Variants in ANKDD1B observed in about 807,000 individuals in gnomAD.
The protein encoded by ANKDD1B is ankyrin repeat and death domain-containing protein 1B.
In ANKDD1B, 57 loss-of-function variants were observed where a neutral mutation model predicts 59.7. That is an observed-to-expected ratio of 0.95 (90% CI 0.77 to 1.19). The LOEUF (loss-of-function observed/expected upper bound fraction) is 1.19. Among genes scored for constraint, ANKDD1B ranks in the 50% most tolerant of loss-of-function variants. The pLI, the probability that ANKDD1B is intolerant of heterozygous loss-of-function variation, is 0.00. For synonymous variants in ANKDD1B, 216 were observed against 239.5 expected, an observed-to-expected ratio of 0.90 and a Z score of 0.91; for missense variants, 602 against 641.9, an observed-to-expected ratio of 0.94 and a Z score of 0.67.
At chr5:75,657,516 C>T (rs1775006543) in intron 9 of ANKDD1B, among the ~76,000 whole-genome samples, 1 of 151,984 alleles carries the variant, frequency 6.6e-6, no homozygotes, top group Admixed American at 6.6e-5. Context: ...TCATCTGTTC[C>T]ATGTTGGTAC....
rs186439989 is a variant in ANKDD1B at position 75,630,414 on chromosome 5, T to C, written c.600+4459T>C. On this transcript the variant is annotated intron_variant, in intron 5 of 13. Transcript: ENST00000601380. ...GTGTAATTTTGCTTTTACATCTTTT[T>C]CCTGGACGATAACTGTTTTAAAGGG... 2.0e-5 allele frequency among the ~76,000 whole-genome samples: 3 copies of C among 152,368 alleles called. No homozygotes were observed. The East Asian group carries it at 5.8e-4, about 29-fold the overall frequency.
chr5:75,659,248 G>A (rs778922245), intron 9 of ANKDD1B, 35 bp from the exon 10 acceptor site: 32 of 1,464,176 alleles, frequency 2.2e-5, no homozygotes, highest in Admixed American at 1.4e-4. Context: ...TCTTTTCACC[G>A]TCCAAGTTTG....
At chr5:75,648,384 C>G (rs1411816471) in intron 7 of ANKDD1B, among the ~76,000 whole-genome samples, 2 of 152,052 alleles carry the variant, frequency 1.3e-5, no homozygotes, top group African/African-American at 4.8e-5. Flanking sequence ...GTCGGTATCC[C>G]CCTTCAAGTT....
In ANKDD1B at chr5:75,634,948, G is replaced by A. The variant is rs1774259855; in HGVS notation, c.651G>A (p.Met217Ile). ...LLAAERGHVE[M>I]IEKLTFLNLH... The stretch of plus-strand genomic sequence containing the variant: ...CAGCTGAGAGGGGCCATGTTGAAAT[G>A]ATAGAAAAACTTACCTTCCTAAACC... The change falls in exon 6 of 14, where the codon ATG (methionine) becomes ATA (isoleucine). Residue 217 changes from methionine (M) to isoleucine (I), a missense_variant. Coordinates refer to ENST00000601380, the MANE Select transcript of ANKDD1B (RefSeq NM_001276713.2). 1 of 1,535,936 alleles carries A rather than the reference G, an allele frequency of 6.5e-7. No individual in the cohort carries two copies. The highest frequency in any genetic ancestry group is 8.7e-7 in the Non-Finnish European group (1 of 1,146,664).
chr5:75,630,168 AT>A (rs1181403261), intron 5 of ANKDD1B, among the ~76,000 whole-genome samples: 1 of 152,118 alleles, frequency 6.6e-6, no homozygotes, highest in Non-Finnish European at 1.5e-5. Context: ...ATAGAGGCCT[AT>A]TTGAATGTGA....
chr5:75,653,136 T>C lies in ANKDD1B; in HGVS notation c.799-6T>C, dbSNP rs1343638326. 5 of 1,531,944 alleles carry C rather than the reference T, an allele frequency of 3.3e-6. No homozygotes were observed. Among genetic ancestry groups the C allele is most frequent in the Non-Finnish European group, 4.4e-6 (5 of 1,143,260 alleles). 94.9% of individuals were successfully genotyped at this position (1,531,944 alleles called of 1,614,324 possible). ...TCCTCCTTGCCCTCTCTATTGTCTC[T>C]TGCAGCTCAATATCAGTAGTTTGCA... On this transcript the variant is annotated splice_region_variant and splice_polypyrimidine_tract_variant and intron_variant, in intron 7 of 13. Transcript: ENST00000601380.
chr5:75,635,170 G>C (rs142245613), intron 6 of ANKDD1B, 174 bp downstream of exon 6: 1 of 496,770 alleles, frequency 2.0e-6, no homozygotes, highest in East Asian at 3.1e-5. Flanking sequence ...TCCTTCCACT[G>C]TTGCTCTGGG....
intron 2 of ANKDD1B, 46 bp from the exon 3 acceptor site, chr5:75,620,269 C>G: frequency 4.0e-6 from 4 of 990,276 alleles, no homozygotes; most frequent in Non-Finnish European, 5.9e-6. Context: ...CCTAAAATCA[C>G]TGAATAATGA....
At chr5:75,656,856 G>C (rs899380999) in intron 9 of ANKDD1B, among the ~76,000 whole-genome samples, 2 of 152,216 alleles carry the variant, frequency 1.3e-5, no homozygotes, top group African/African-American at 4.8e-5. Context: ...CTAGGGAGGA[G>C]CCATGGTGCA....
chr5:75,630,444 C>T (rs1227721904), intron 5 of ANKDD1B, among the ~76,000 whole-genome samples: 1 of 152,126 alleles, frequency 6.6e-6, no homozygotes, highest in Non-Finnish European at 1.5e-5. Flanking sequence ...AAAGGGCTTC[C>T]AAAGTTCAAA....
At chr5:75,628,449 G>A (rs192539860) in intron 5 of ANKDD1B, among the ~76,000 whole-genome samples, 192 of 152,302 alleles carry the variant, frequency 1.3e-3, no homozygotes, top group Admixed American at 3.1e-3. Flanking sequence ...CAGAAGCTCA[G>A]GGTCTATTGA....
At position 75,641,012 on chromosome 5, in the gene ANKDD1B, C is replaced by T. The variant is rs138175546; in HGVS notation, c.798+5130C>T. The stretch of plus-strand genomic sequence containing the variant: ...TTGTTTTTTCATAGCAACTAGTGCA[C>T]GCTTGGCTTATACAGAGAAGACGCT... On this transcript the variant is annotated intron_variant, in intron 7 of 13. Transcript: ENST00000601380. 3.1e-3 allele frequency among the ~76,000 whole-genome samples: 475 copies of T among 152,148 alleles called. 4 individuals carry two copies. Among genetic ancestry groups the T allele is most frequent in the African/African-American group, 0.01 (431 of 41,502 alleles).
intron 8 of ANKDD1B, among the ~76,000 whole-genome samples, 176 bp from the exon 9 acceptor site, chr5:75,655,853 G>C (rs1774961287): frequency 6.6e-6 from 1 of 152,198 alleles, no homozygotes; most frequent in Non-Finnish European, 1.5e-5. Flanking sequence ...GAACGAGTTT[G>C]TTTCAAAGCC....
intron 7 of ANKDD1B, among the ~76,000 whole-genome samples, chr5:75,637,270 A>AAAG (rs1774342742): frequency 3.5e-5 from 5 of 141,882 alleles, no homozygotes; most frequent in African/African-American, 1.4e-4. Context: ...AAAAAAAAAA[A>AAAG]AAAGAAAGAA....
At chr5:75,655,035 C>T (rs1016223821) in intron 8 of ANKDD1B, among the ~76,000 whole-genome samples, 4 of 152,176 alleles carry the variant, frequency 2.6e-5, no homozygotes, top group Non-Finnish European at 5.9e-5. Context: ...GTTGTTTCTT[C>T]CCTCCCTTTT....
chr5:75,659,072 T>G (rs1439993182), intron 9 of ANKDD1B, among the ~76,000 whole-genome samples: 1 of 40,986 alleles, frequency 2.4e-5, no homozygotes, highest in Non-Finnish European at 4.3e-5. Context: ...TTCCAATATA[T>G]AGATTATCAT....
At chr5:75,619,059 T>C (rs116074335) in intron 2 of ANKDD1B, among the ~76,000 whole-genome samples, 8,967 of 152,296 alleles carry the variant, frequency 0.059, 822 homozygotes, top group African/African-American at 0.2. Flanking sequence ...ACTCATGTTT[T>C]GTTGAACTTA....
At chr5:75,644,076 C>T (rs1561442376) in intron 7 of ANKDD1B, among the ~76,000 whole-genome samples, 2 of 104,906 alleles carry the variant, frequency 1.9e-5, no homozygotes, top group South Asian at 6.1e-4. Flanking sequence ...CAGGCCTGCC[C>T]TAAAAGAGCT....
In ANKDD1B at chr5:75,611,493, C is replaced by T; in HGVS notation, c.-142C>T. On this transcript the variant is annotated 5_prime_UTR_variant, in exon 1 of 14. Coordinates refer to ENST00000601380, the MANE Select transcript of ANKDD1B (RefSeq NM_001276713.2). ...GCCACAACAGAGAGCGGACTCGATC[C>T]TGCGCTCCGGCCGGGCTGACCTGCC... 1 of 560,378 alleles carries T rather than the reference C, an allele frequency of 1.8e-6. No individual in the cohort carries two copies. The highest frequency in any genetic ancestry group is 2.7e-6 in the Non-Finnish European group (1 of 375,494). 34.7% of individuals were successfully genotyped at this position (560,378 alleles called of 1,614,324 possible).
Sources: allele counts gnomAD v4.1 joint callset (sites outside exome capture counted in the v4.1 genomes callset), GRCh38; gene constraint gnomAD v4.1.1; transcripts MANE v1.5; gene names NCBI Gene and HGNC (gene_info 2026-07-23, HGNC 2026-07-21).